ACAD10: variants seen among roughly 807,000 people sequenced by gnomAD.
The protein encoded by ACAD10 is ACAD-10.
In ACAD10, 112 loss-of-function variants were observed where a neutral mutation model predicts 116.8. The observed-to-expected ratio is 0.96, with a 90% CI of 0.82 to 1.12. The LOEUF (loss-of-function observed/expected upper bound fraction) is 1.12, where lower values mean the gene tolerates loss of function less well. ACAD10 is among the 50% of genes most tolerant of loss of function. The pLI, the probability that ACAD10 is intolerant of heterozygous loss-of-function variation, is 0.00. For synonymous variants in ACAD10, 486 were observed against 510.6 expected, an observed-to-expected ratio of 0.95 and a Z score of 0.65; for missense variants, 1,259 against 1,350.2, an observed-to-expected ratio of 0.93 and a Z score of 1.06.
At chr12:111,688,092 C>T (rs1187202451) in intron 1 of ACAD10, 1 of 152,150 alleles carries the variant, frequency 6.6e-6, no homozygotes, top group Non-Finnish European at 1.5e-5. Flanking sequence ...GTCTCGAACT[C>T]CTGACCTTGT....
Position 111,709,565 on chromosome 12 carries a change from C to A in ACAD10, c.571C>A (p.Pro191Thr). 1 of 1,612,322 alleles carries A rather than the reference C, an allele frequency of 6.2e-7. No homozygotes were observed. The stretch of plus-strand genomic sequence containing the variant: ...CATGGAAGGGATCTGTAAGCCAGAC[C>A]CTAGGATCTACAAGCTGTGCTTGGA... Reference protein sequence around the residue: ...SCMEGICKPDPRIYKLCLEQL... With the variant: ...SCMEGICKPDTRIYKLCLEQL... Residue 191 changes from proline to threonine, a missense_variant, in exon 5 of 21, where the codon CCT becomes ACT. By Grantham distance (38) the Pro-to-Thr change is conservative. Transcript: ENST00000313698.
At position 111,715,997 on chromosome 12, in the gene ACAD10, T is replaced by C. The variant is rs1413987044; in HGVS notation, c.992+35T>C. On this transcript the variant is annotated intron_variant, in intron 7 of 20. Transcript: ENST00000313698. Reference sequence around the variant, plus strand: ...CAGGGCCAGGGGAGCACTTGCCCACTAGCCTCCACTGTGCACAAGCTCAGC... The same window carrying C: ...CAGGGCCAGGGGAGCACTTGCCCACCAGCCTCCACTGTGCACAAGCTCAGC... 5.0e-6 allele frequency: 8 copies of C among 1,613,054 alleles called. No homozygotes were observed. The South Asian group carries it at 6.6e-5, about 13-fold the overall frequency.
chr12:111,714,576 C>T (rs1327841289), intron 6 of ACAD10, among the ~76,000 whole-genome samples: 6 of 151,844 alleles, frequency 4.0e-5, no homozygotes, highest in Admixed American at 1.3e-4. Flanking sequence ...AAGGCAGAAT[C>T]GCTTGATCCC....
intron 7 of ACAD10, among the ~76,000 whole-genome samples, chr12:111,718,297 C>T (rs1329673177): frequency 1.3e-5 from 2 of 152,034 alleles, no homozygotes; most frequent in Non-Finnish European, 2.9e-5. Flanking sequence ...GATTCACCTG[C>T]CTCGGCCTCC....
intron 4 of ACAD10, among the ~76,000 whole-genome samples, chr12:111,708,685 A>G (rs573931479): frequency 2.6e-4 from 40 of 152,204 alleles, no homozygotes; most frequent in Middle Eastern, 3.4e-3. Flanking sequence ...TTCTTAGGGC[A>G]GATCAGAGGG....
intron 12 of ACAD10, among the ~76,000 whole-genome samples, chr12:111,737,359 G>A (rs1421393099): frequency 1.3e-5 from 2 of 151,620 alleles, no homozygotes; most frequent in Non-Finnish European, 2.9e-5. Context: ...ATTTTTTTTT[G>A]TATTTTTAGT....
chr12:111,695,876 T>C (rs1328302642), intron 2 of ACAD10, among the ~76,000 whole-genome samples: 1 of 151,800 alleles, frequency 6.6e-6, no homozygotes, highest in Non-Finnish European at 1.5e-5. Flanking sequence ...AAGCGGGGCA[T>C]GGTGATGGGC....
In ACAD10 at chr12:111,721,409, A is replaced by G. The variant is rs760854506; in HGVS notation, c.993-262A>G. 1.4e-4 allele frequency among the ~76,000 whole-genome samples: 21 copies of G among 152,108 alleles called. 1 individual carries two copies. The highest frequency in any genetic ancestry group is 4.8e-4 in the African/African-American group (20 of 41,426). ...ATGGTGAAACCGCGTCTCTACTACA[A>G]ATATAAAAATTAGCTGGTTGTGGTG... On this transcript the variant is annotated intron_variant, in intron 7 of 20. Transcript: ENST00000313698.
chr12:111,747,493 G>A (rs1889946242), intron 16 of ACAD10, 108 bp downstream of exon 16: 2 of 1,564,642 alleles, frequency 1.3e-6, no homozygotes, highest in East Asian at 2.3e-5. Context: ...TTGACACAAA[G>A]GAGATTCTGT....
intron 20 of ACAD10, chr12:111,755,979 A>G (rs1182839027): frequency 4.3e-6 from 3 of 703,562 alleles, no homozygotes; most frequent in South Asian, 1.9e-5. Flanking sequence ...TGACTTGTCC[A>G]GGTCACTGAG....
At chr12:111,700,349 T>G (rs553856489) in intron 2 of ACAD10, among the ~76,000 whole-genome samples, 11 of 152,384 alleles carry the variant, frequency 7.2e-5, no homozygotes, top group Admixed American at 3.9e-4. Flanking sequence ...TTCTAGTTCT[T>G]TTTATTATGA....
chr12:111,745,137 G>A (rs1474495698), intron 13 of ACAD10, 94 bp downstream of exon 13: 2 of 1,352,940 alleles, frequency 1.5e-6, no homozygotes, highest in African/African-American at 1.5e-5. Context: ...AGGCAGTGAA[G>A]ATACAGGAGC....
At chr12:111,743,284 G>A (rs1247200802) in intron 12 of ACAD10, among the ~76,000 whole-genome samples, 4 of 152,004 alleles carry the variant, frequency 2.6e-5, no homozygotes, top group Non-Finnish European at 5.9e-5. Context: ...TACAGAAACA[G>A]AGATCAGTGG....
At chr12:111,716,214 C>T (rs780241915) in intron 7 of ACAD10, among the ~76,000 whole-genome samples, 2 of 151,976 alleles carry the variant, frequency 1.3e-5, no homozygotes, top group African/African-American at 2.4e-5. Flanking sequence ...CCCATCCCCC[C>T]CCAAAAAAAA....
At chr12:111,688,931 G>A (rs920941825) in intron 1 of ACAD10, among the ~76,000 whole-genome samples, 16 of 152,256 alleles carry the variant, frequency 1.1e-4, no homozygotes, top group Non-Finnish European at 2.1e-4. Flanking sequence ...GATGGCTCAC[G>A]CCTGTAATCC....
intron 1 of ACAD10, among the ~76,000 whole-genome samples, chr12:111,689,418 G>A (rs1887975150): frequency 6.6e-6 from 1 of 151,766 alleles, no homozygotes; most frequent in African/African-American, 2.4e-5. Flanking sequence ...CGGCTGGAAT[G>A]TGGAGTGCAG....
chr12:111,724,035 C>T (rs1236497924), intron 8 of ACAD10, among the ~76,000 whole-genome samples: 7 of 147,388 alleles, frequency 4.7e-5, no homozygotes, highest in African/African-American at 1.5e-4. Context: ...TGATGGCGGC[C>T]GGGAAGAGGT....
intron 7 of ACAD10, among the ~76,000 whole-genome samples, chr12:111,717,447 A>C (rs1401357370): frequency 6.6e-6 from 1 of 152,116 alleles, no homozygotes; most frequent in Non-Finnish European, 1.5e-5. Flanking sequence ...GAGATTTCAT[A>C]GCTCACCTTT....
intron 17 of ACAD10, chr12:111,748,900 C>T (rs1181008472): frequency 2.7e-6 from 3 of 1,113,174 alleles, no homozygotes; most frequent in South Asian, 2.7e-5. Flanking sequence ...TACATTGTCA[C>T]AAACCACTAG....
Sources: gnomAD v4.1 joint callset for allele counts (sites outside exome capture counted in the v4.1 genomes callset) on GRCh38, gnomAD v4.1.1 for gene constraint, MANE v1.5 for transcripts, NCBI Gene and HGNC (gene_info 2026-07-23, HGNC 2026-07-21) for gene names.